Variants in SHBG observed in about 807,000 individuals in gnomAD.
The protein encoded by SHBG is sex hormone binding globulin.
Under a neutral mutation model 41.9 loss-of-function variants are expected in SHBG, and 37 were observed. The ratio of observed to expected loss-of-function variants is 0.88; its 90% CI spans 0.68 to 1.16. The LOEUF is 1.16. SHBG is among the 50% of genes most tolerant of loss of function. The probability of loss-of-function intolerance (pLI) is 0.00; values close to 1 mark genes in which losing one functional copy is unlikely to be tolerated. For synonymous variants in SHBG, 217 were observed against 205.8 expected (o/e 1.05, Z -0.47); for missense variants, 466 against 499.9 (o/e 0.93, Z 0.65).
Position 7,633,347 on chromosome 17 carries a change from C to T in SHBG, c.1204C>T (p.His402Tyr). ...QSPGNGTDAS[H>Y] ...CCCAGGCAATGGCACTGACGCTTCC[C>T]ATTAAAGCTCCACCTAAGAACCCCC... The change falls in exon 8 of 8, where the codon CAT becomes TAT. Residue 402 changes from histidine (H) to tyrosine (Y), a missense_variant. Physicochemically the swap from His to Tyr is moderately conservative, Grantham distance 83. Transcript: ENST00000380450. 6.2e-7 allele frequency: 1 copy of T among 1,613,882 alleles called. No individual in the cohort carries two copies. The highest frequency in any genetic ancestry group is 8.5e-7 in the Non-Finnish European group (1 of 1,179,916).
intron 1 of SHBG, among the ~76,000 whole-genome samples, chr17:7,616,658 C>T (rs1398555906): frequency 6.6e-6 from 1 of 150,826 alleles, no homozygotes; most frequent in Non-Finnish European, 1.5e-5. Context: ...ATAATAGTGG[C>T]CCGGCGCGGT....
chr17:7,630,524 G>A lies in SHBG; in HGVS notation c.203+17G>A, dbSNP rs1325050565. ...GATCACAAAGTATGGGGTTGGCCTAGCCCTTGACCCAGTCCCCTGGTTCTG... is the reference window on the plus strand; with the variant it reads ...GATCACAAAGTATGGGGTTGGCCTAACCCTTGACCCAGTCCCCTGGTTCTG... On this transcript the variant is annotated intron_variant, in intron 2 of 7. Transcript: ENST00000380450. The surrounding 1 kb of genome is among the most constrained non-coding windows in gnomAD (Gnocchi z 4.6). The A allele has an allele frequency of 6.2e-7, 1 of 1,608,912 alleles. No homozygotes were observed. Among genetic ancestry groups the A allele is most frequent in the South Asian group, 1.1e-5 (1 of 90,928 alleles).
chr17:7,628,854 G>C (rs1246853356), upstream of SHBG, among the ~76,000 whole-genome samples: 2 of 149,260 alleles, frequency 1.3e-5, no homozygotes, highest in East Asian at 4.2e-4. Flanking sequence ...TCAGGAATTT[G>C]AGACCAGCCT....
Position 7,630,470 on chromosome 17 carries a change from A to G in SHBG, c.166A>G (p.Ile56Val), listed in dbSNP as rs1054997005. The G allele has an allele frequency of 6.2e-7, 1 of 1,614,072 alleles. No individual in the cohort carries two copies. Among genetic ancestry groups the G allele is most frequent in the Non-Finnish European group, 8.5e-7 (1 of 1,179,994 alleles). Residue 56 changes from isoleucine (I) to valine (V), a missense_variant, in exon 2 of 8, where the codon ATC (isoleucine) becomes GTC (valine). Transcript: ENST00000380450. This position sits in a 1 kb window ranked among gnomAD's most constrained non-coding sequence, Gnocchi z 4.6. ...CAGCAATGGCCCAGGACAAGAGCCT[A>G]TCGCTGTCATGACCTTTGACCTCAC... ...HLSNGPGQEPIAVMTFDLTKI... is the reference protein window; with the variant it reads ...HLSNGPGQEPVAVMTFDLTKI...
chr17:7,627,727 C>T (rs1282167309), upstream of SHBG: 1 of 1,464,630 alleles, frequency 6.8e-7, no homozygotes, highest in Non-Finnish European at 9.5e-7. This position sits in a 1 kb window ranked among gnomAD's most constrained non-coding sequence, Gnocchi z 4.8. Flanking sequence ...TCCTGAAGAG[C>T]CTGAGAGAGC....
At chr17:7,626,322 G>A, upstream of SHBG, 1 of 1,028,350 alleles carries the variant, frequency 9.7e-7, no homozygotes, top group East Asian at 2.4e-5. Context: ...CTTGAGGATA[G>A]GCACCCCTAA....
At chr17:7,632,698 G>C (rs1230337198) in intron 6 of SHBG, 54 bp from the exon 7 acceptor site, 1 of 1,413,286 alleles carries the variant, frequency 7.1e-7, no homozygotes, top group Non-Finnish European at 1.0e-6. Flanking sequence ...CAGGCAGTAG[G>C]CCCGGCTCAT....
intron 3 of SHBG, 140 bp from the exon 4 acceptor site, chr17:7,631,060 A>T (rs762079070): frequency 6.1e-6 from 6 of 986,846 alleles, no homozygotes; most frequent in Non-Finnish European, 8.9e-6. Flanking sequence ...ATAAGTGACA[A>T]GAGCTGAGTG....
In SHBG at chr17:7,630,891, G is replaced by C. The variant is rs1302671576; in HGVS notation, c.393+22G>C. ...CCAGGTAAGCTAGCTCTGGTCCTCA[G>C]GGGAGGGATGTCTGGAGCTGGTCTG... On this transcript the variant is annotated intron_variant, in intron 3 of 7. Transcript: ENST00000380450. This position sits in a 1 kb window ranked among gnomAD's most constrained non-coding sequence, Gnocchi z 4.6. The C allele has an allele frequency of 1.2e-6, 2 of 1,606,086 alleles. No homozygotes were observed. Among genetic ancestry groups the C allele is most frequent in the Admixed American group, 3.3e-5 (2 of 60,000 alleles).
upstream of SHBG, chr17:7,626,577 G>A (rs1310732146): frequency 2.5e-6 from 4 of 1,613,918 alleles, no homozygotes; most frequent in African/African-American, 4.0e-5. Flanking sequence ...GTCCAGGACG[G>A]CCAGGCGGAA....
intron 1 of SHBG, chr17:7,614,983 A>C (rs1249576863): frequency 6.6e-6 from 1 of 152,372 alleles, no homozygotes; most frequent in Non-Finnish European, 1.5e-5. Flanking sequence ...AGCTAGCGCC[A>C]GCTAGCGCAT....
upstream of SHBG, among the ~76,000 whole-genome samples, chr17:7,623,870 T>C (rs1277505705): frequency 6.6e-6 from 1 of 152,086 alleles, no homozygotes; most frequent in African/African-American, 2.4e-5. Context: ...CAGGTGATCC[T>C]CCCACCTCAG....
At chr17:7,632,371 G>A (rs1321142809) in intron 6 of SHBG, among the ~76,000 whole-genome samples, 2 of 152,046 alleles carry the variant, frequency 1.3e-5, no homozygotes, top group Admixed American at 1.3e-4. Context: ...TTGAGCCCAG[G>A]AGTTTGAAGC....
intron 7 of SHBG, 108 bp downstream of exon 7, chr17:7,633,067 C>T (rs2072472003): frequency 1.4e-6 from 2 of 1,413,942 alleles, no homozygotes; most frequent in Non-Finnish European, 2.0e-6. Context: ...AAGAATAGGC[C>T]ACAAGAAGAA....
At chr17:7,622,032 A>T (rs929615266) in intron 1 of SHBG, among the ~76,000 whole-genome samples, 1 of 149,468 alleles carries the variant, frequency 6.7e-6, no homozygotes, top group African/African-American at 2.5e-5. Flanking sequence ...TTTAGTAGAG[A>T]CAGGGTTTCA....
intron 1 of SHBG, among the ~76,000 whole-genome samples, chr17:7,620,876 C>T (rs1187466140): frequency 1.3e-5 from 2 of 151,938 alleles, no homozygotes; most frequent in Non-Finnish European, 2.9e-5. Context: ...GGTGAGCCAC[C>T]TGCCTCGGCC....
chr17:7,626,953 C>T (rs858520), upstream of SHBG: 584,645 of 1,612,372 alleles, frequency 0.36, 111,451 homozygotes, highest in Middle Eastern at 0.51. Context: ...CCCGATATTC[C>T]GGCATCACAT....
intron 1 of SHBG, among the ~76,000 whole-genome samples, chr17:7,618,470 GT>G (rs1028918576): frequency 4.0e-5 from 4 of 101,260 alleles, no homozygotes; most frequent in Non-Finnish European, 8.4e-5. Flanking sequence ...TTTTGTTTTT[GT>G]TTTTTTTGTA....
rs187018650 is a variant in SHBG at position 7,619,522 on chromosome 17, A to G, written c.-62+5411A>G. Among the ~76,000 whole-genome samples the G allele has an allele frequency of 3.1e-4, 47 of 151,790 alleles. 1 individual carries two copies. In the East Asian group the frequency reaches 9.0e-3, roughly 29 times the overall value. On this transcript the variant is annotated intron_variant, in intron 1 of 5. Transcript: ENST00000570547. ...GGAGTTCGAGACCAGCCTGACCAAC[A>G]TGGTGAAACCCCATCTCTACTAAAA...
Sources: gnomAD v4.1 joint callset for allele counts (sites outside exome capture counted in the v4.1 genomes callset) on GRCh38, gnomAD v4.1.1 for gene constraint, Gnocchi (gnomAD v3.1) non-coding constraint, MANE v1.5 for transcripts, NCBI Gene and HGNC (gene_info 2026-07-23, HGNC 2026-07-21) for gene names.